DNAJC1: variants seen among roughly 807,000 people sequenced by gnomAD.
The protein encoded by DNAJC1 is dnaJ homolog subfamily C member 1.
In DNAJC1, 58 loss-of-function variants were observed where a neutral mutation model predicts 76.6. The observed-to-expected ratio is 0.76, with a 90% confidence interval of 0.61 to 0.94. The LOEUF is 0.94. DNAJC1 is among the 40% of genes least tolerant of loss of function. The pLI, the probability that DNAJC1 is intolerant of heterozygous loss-of-function variation, is 0.00. For missense variants in DNAJC1, 689 were observed against 677.3 expected (o/e 1.02, Z -0.19); for synonymous variants, 258 against 267.9 (o/e 0.96, Z 0.36).
intron 8 of DNAJC1, among the ~76,000 whole-genome samples, chr10:21,834,312 T>C (rs980749911): frequency 3.3e-5 from 5 of 151,934 alleles, no homozygotes; most frequent in Non-Finnish European, 5.9e-5. Context: ...TGAAACGTTG[T>C]TTAAAAGACC....
intron 1 of DNAJC1, among the ~76,000 whole-genome samples, chr10:21,936,005 CAA>C (rs1403218840): frequency 2.0e-5 from 3 of 152,094 alleles, no homozygotes; most frequent in Non-Finnish European, 4.4e-5. Flanking sequence ...CAAATCACAA[CAA>C]AGAAATAAAA....
At chr10:21,991,137 T>C (rs1476372539) in intron 1 of DNAJC1, among the ~76,000 whole-genome samples, 2 of 152,140 alleles carry the variant, frequency 1.3e-5, no homozygotes, top group Non-Finnish European at 2.9e-5. Context: ...CAGGAAAGAA[T>C]ATAGTGAATA....
At chr10:21,784,540 A>C (rs181633880) in intron 9 of DNAJC1, among the ~76,000 whole-genome samples, 124 of 152,300 alleles carry the variant, frequency 8.1e-4, no homozygotes, top group East Asian at 2.3e-3. Context: ...CCCAGCCATC[A>C]CATTACTGGG....
At chr10:21,782,741 T>A (rs1326098447) in intron 9 of DNAJC1, among the ~76,000 whole-genome samples, 2 of 152,196 alleles carry the variant, frequency 1.3e-5, no homozygotes. Flanking sequence ...GCAAGGCTGG[T>A]TGAACATATG....
At chr10:21,836,566 C>T (rs996538137) in intron 8 of DNAJC1, among the ~76,000 whole-genome samples, 2 of 152,132 alleles carry the variant, frequency 1.3e-5, no homozygotes, top group Admixed American at 1.3e-4. Context: ...CATCAGTGTG[C>T]TGTATTCAGG....
chr10:21,790,135 AAAAAAAGC>A, intron 9 of DNAJC1, among the ~76,000 whole-genome samples: 1 of 151,532 alleles, frequency 6.6e-6, no homozygotes, highest in East Asian at 1.9e-4. Flanking sequence ...AGAAAGAAAG[AAAAAAAGC>A]AAAAAATCAA....
chr10:21,917,691 C>T (rs1836978030), intron 6 of DNAJC1, among the ~76,000 whole-genome samples: 1 of 151,668 alleles, frequency 6.6e-6, no homozygotes, highest in Non-Finnish European at 1.5e-5. Context: ...TAAAAACAAA[C>T]CTTTTAAATT....
intron 8 of DNAJC1, among the ~76,000 whole-genome samples, chr10:21,828,139 G>A (rs915643600): frequency 6.6e-6 from 1 of 152,120 alleles, no homozygotes; most frequent in Non-Finnish European, 1.5e-5. Context: ...TGTTATTACT[G>A]CAAAACAAAC....
chr10:21,781,718 C>CA (rs1298897674), intron 9 of DNAJC1, among the ~76,000 whole-genome samples: 58,401 of 87,138 alleles, frequency 0.67, 19,198 homozygotes, highest in African/African-American at 0.77. Flanking sequence ...GCGACTGTCT[C>CA]AAAAAAAAAA....
At chr10:21,866,134 C>CA (rs1306930222) in intron 8 of DNAJC1, among the ~76,000 whole-genome samples, 1,351 of 33,812 alleles carry the variant, frequency 0.04, 56 homozygotes, top group African/African-American at 0.099. Context: ...GACTTCAACT[C>CA]AAAAAAAAAA....
chr10:21,815,787 A>C (rs535447930), intron 8 of DNAJC1, among the ~76,000 whole-genome samples: 1 of 151,090 alleles, frequency 6.6e-6, no homozygotes, highest in African/African-American at 2.4e-5. Flanking sequence ...CCTCTGTTGC[A>C]CAGGCTGGAG....
At chr10:21,909,706 T>C (rs1181862941) in intron 6 of DNAJC1, among the ~76,000 whole-genome samples, 1 of 152,216 alleles carries the variant, frequency 6.6e-6, no homozygotes, top group African/African-American at 2.4e-5. Context: ...GGAAATATCA[T>C]GTGTCATTTC....
intron 9 of DNAJC1, among the ~76,000 whole-genome samples, chr10:21,791,408 C>T (rs964046463): frequency 3.3e-5 from 5 of 152,170 alleles, no homozygotes; most frequent in Non-Finnish European, 7.3e-5. Flanking sequence ...CAGACATTTA[C>T]AGAACACTTC....
chr10:21,867,607 AG>A (rs1836023782), intron 8 of DNAJC1, among the ~76,000 whole-genome samples: 8 of 152,246 alleles, frequency 5.3e-5, no homozygotes, highest in Admixed American at 5.2e-4. Flanking sequence ...GGGACCGATA[AG>A]ACCCTGAAAA....
chr10:21,872,057 C>T (rs11012809), intron 8 of DNAJC1, among the ~76,000 whole-genome samples: 7,526 of 148,814 alleles, frequency 0.051, 682 homozygotes, highest in African/African-American at 0.17. Context: ...ACTTTCTAGA[C>T]AAAACGTTAA....
At chr10:21,928,613 G>A (rs2131779547) in intron 2 of DNAJC1, 61 bp from the exon 3 acceptor site, 1 of 1,370,440 alleles carries the variant, frequency 7.3e-7, no homozygotes, top group Admixed American at 1.7e-5. Context: ...TCACATAGGA[G>A]GGTGAAGGCA....
intron 10 of DNAJC1, among the ~76,000 whole-genome samples, chr10:21,762,290 A>G (rs1018304050): frequency 1.3e-5 from 2 of 152,210 alleles, no homozygotes; most frequent in African/African-American, 4.8e-5. Flanking sequence ...ATCCACCACA[A>G]TCTAAAAACA....
At chr10:21,888,669 C>T (rs1189661148) in intron 7 of DNAJC1, among the ~76,000 whole-genome samples, 1 of 152,064 alleles carries the variant, frequency 6.6e-6, no homozygotes. Context: ...GCAAACTAAA[C>T]CAAGAATAGA....
At chr10:21,990,909 G>C (rs561221558) in intron 1 of DNAJC1, among the ~76,000 whole-genome samples, 2 of 152,218 alleles carry the variant, frequency 1.3e-5, no homozygotes, top group South Asian at 4.1e-4. Context: ...AAAAGGTAAA[G>C]GCAAAAAGAT....
Sources: gnomAD v4.1 joint callset for allele counts (sites outside exome capture counted in the v4.1 genomes callset) on GRCh38, gnomAD v4.1.1 for gene constraint, MANE v1.5 for transcripts, NCBI Gene and HGNC (gene_info 2026-07-23, HGNC 2026-07-21) for gene names.